Variants in SUGCT observed in about 807,000 individuals in gnomAD.
SUGCT encodes succinyl-CoA:glutarate-CoA transferase, also known as succinyl-CoA:glutarate CoA-transferase.
A neutral mutation model predicts 55.0 loss-of-function variants in SUGCT; 41 were observed. The ratio of observed to expected loss-of-function variants is 0.74; its 90% CI spans 0.58 to 0.97. The LOEUF is 0.97. Among genes scored for constraint, SUGCT ranks in the 50% least tolerant of loss-of-function variants. The pLI is 0.00. For synonymous variants in SUGCT, 187 were observed against 200.4 expected, an observed-to-expected ratio of 0.93 and a Z score of 0.56; for missense variants, 568 against 547.8, an observed-to-expected ratio of 1.04 and a Z score of -0.37.
chr7:40,687,783 A>G (rs1784531386), intron 12 of SUGCT, among the ~76,000 whole-genome samples: 1 of 152,170 alleles, frequency 6.6e-6, no homozygotes, highest in Admixed American at 6.5e-5. Context: ...ACACCCATAC[A>G]TACTTCAGAA....
chr7:40,232,444 C>T (rs1788775476), intron 6 of SUGCT, among the ~76,000 whole-genome samples: 1 of 152,124 alleles, frequency 6.6e-6, no homozygotes, highest in Admixed American at 6.5e-5. Context: ...CAATTACTTT[C>T]TTCTGAGGAG....
Position 40,455,535 on chromosome 7 carries a change from A to C in SUGCT, c.889-3566A>C, listed in dbSNP as rs1403832470. Among the ~76,000 whole-genome samples, 3 of 152,212 alleles carry C rather than the reference A, an allele frequency of 2.0e-5. No individual in the cohort carries two copies. The South Asian group carries it at 6.2e-4, about 32-fold the overall frequency. ...ACAAAAGAGGCAAACACTAATGAAA[A>C]GAAAACTGGAGTGGGGCTATATTAA... On this transcript the variant is annotated intron_variant, in intron 10 of 13. Coordinates refer to ENST00000335693, the MANE Select transcript of SUGCT (RefSeq NM_001193313.2).
the SUGCT span, among the ~76,000 whole-genome samples, chr7:40,941,514 T>C: frequency 2.6e-5 from 4 of 152,156 alleles, no homozygotes. Context: ...AAATGTTTAA[T>C]GTTCTGATTA....
intron 7 of SUGCT, among the ~76,000 whole-genome samples, chr7:40,258,752 G>T (rs1019496009): frequency 6.6e-6 from 1 of 152,116 alleles, no homozygotes; most frequent in Non-Finnish European, 1.5e-5. Context: ...AATTAATGTG[G>T]CCATTATGGA....
rs375512020 is a variant in SUGCT at position 40,732,935 on chromosome 7, C to CAAAATTAGCCAGGG, written c.1090-16498_1090-16497insAAATTAGCCAGGGA. On this transcript the variant is annotated intron_variant, in intron 12 of 13. Coordinates refer to ENST00000335693, the MANE Select transcript of SUGCT (RefSeq NM_001193313.2). ...TGCAACCCCAACTCTACTAAAAATACATAGTGGCGCATGTCTGTAATCCCA... is the reference window on the plus strand; with the variant it reads ...TGCAACCCCAACTCTACTAAAAATACAAAATTAGCCAGGGATAGTGGCGCATGTCTGTAATCCCA... Among the ~76,000 whole-genome samples, 1,409 of 152,204 alleles carry CAAAATTAGCCAGGG rather than the reference C, an allele frequency of 9.3e-3. 15 individuals carry two copies. Among genetic ancestry groups the CAAAATTAGCCAGGG allele is most frequent in the African/African-American group, 0.032 (1,325 of 41,544 alleles).
the SUGCT span, among the ~76,000 whole-genome samples, chr7:41,035,056 T>A: frequency 5.9e-5 from 9 of 152,312 alleles, no homozygotes; most frequent in South Asian, 1.9e-3. Context: ...CCCAGCGGTG[T>A]TCTTCTTTGC....
intron 1 of SUGCT, among the ~76,000 whole-genome samples, chr7:40,151,124 C>G (rs1169908913): frequency 6.6e-6 from 1 of 152,060 alleles, no homozygotes; most frequent in East Asian, 1.9e-4. Context: ...CCTGTAGTAC[C>G]AGCTAATTGG....
chr7:40,399,359 G>A (rs910000381), intron 9 of SUGCT, among the ~76,000 whole-genome samples: 4 of 152,158 alleles, frequency 2.6e-5, no homozygotes, highest in Non-Finnish European at 5.9e-5. Flanking sequence ...AAGACTCTTA[G>A]GTGATAAGTG....
intron 9 of SUGCT, among the ~76,000 whole-genome samples, chr7:40,417,318 T>G (rs528036348): frequency 2.2e-3 from 334 of 152,112 alleles, no homozygotes; most frequent in African/African-American, 6.8e-3. Context: ...AGTTTTTCTT[T>G]TTTAGTAATG....
intron 12 of SUGCT, among the ~76,000 whole-genome samples, chr7:40,513,740 C>T (rs1195068871): frequency 6.6e-6 from 1 of 151,408 alleles, no homozygotes; most frequent in Non-Finnish European, 1.5e-5. Flanking sequence ...GGGGATTCTC[C>T]TAGAGATAAT....
intron 12 of SUGCT, among the ~76,000 whole-genome samples, chr7:40,569,272 C>A (rs1796311194): frequency 6.6e-6 from 1 of 152,182 alleles, no homozygotes; most frequent in African/African-American, 2.4e-5. Context: ...TCCTTTCCAT[C>A]CAGTGGTTAC....
chr7:40,801,859 C>T (rs1790833561), intron 13 of SUGCT, among the ~76,000 whole-genome samples: 1 of 151,256 alleles, frequency 6.6e-6, no homozygotes, highest in Non-Finnish European at 1.5e-5. Flanking sequence ...CTAAAAATGC[C>T]CTCATAAGTG....
At chr7:40,927,764 A>G in the SUGCT span, among the ~76,000 whole-genome samples, 1 of 152,220 alleles carries the variant, frequency 6.6e-6, no homozygotes, top group Non-Finnish European at 1.5e-5. Context: ...AAAATGGGAT[A>G]TAGAAATGTC....
chr7:40,138,686 G>C (rs868277547), intron 1 of SUGCT, among the ~76,000 whole-genome samples: 1 of 151,906 alleles, frequency 6.6e-6, no homozygotes, highest in Non-Finnish European at 1.5e-5. Flanking sequence ...CTTTTTAATA[G>C]CCATTCTGTT....
the SUGCT span, among the ~76,000 whole-genome samples, chr7:41,004,879 G>C: frequency 6.6e-6 from 1 of 152,148 alleles, no homozygotes; most frequent in Non-Finnish European, 1.5e-5. Flanking sequence ...TGGGAAGAAA[G>C]CTCCCAAGAT....
chr7:40,630,123 C>T (rs1027348836), intron 12 of SUGCT, among the ~76,000 whole-genome samples: 1 of 152,226 alleles, frequency 6.6e-6, no homozygotes, highest in Non-Finnish European at 1.5e-5. Flanking sequence ...CTACGCTTTG[C>T]GCCTCCCATC....
At chr7:40,615,109 A>G (rs928766109) in intron 12 of SUGCT, among the ~76,000 whole-genome samples, 1 of 151,994 alleles carries the variant, frequency 6.6e-6, no homozygotes, top group African/African-American at 2.4e-5. Context: ...TTTAAAAAGA[A>G]TTTATTTACA....
At chr7:40,703,003 C>T (rs1199621586) in intron 12 of SUGCT, among the ~76,000 whole-genome samples, 1 of 151,378 alleles carries the variant, frequency 6.6e-6, no homozygotes, top group Non-Finnish European at 1.5e-5. Context: ...ATGCTATCTA[C>T]ATGGACTGTT....
chr7:40,574,011 CAT>C (rs1468251064), intron 12 of SUGCT, among the ~76,000 whole-genome samples: 1 of 152,148 alleles, frequency 6.6e-6, no homozygotes, highest in Non-Finnish European at 1.5e-5. Flanking sequence ...ATTCTGAAGT[CAT>C]ATGTTATATG....
Sources: gnomAD v4.1 joint callset for allele counts (sites outside exome capture counted in the v4.1 genomes callset) on GRCh38, gnomAD v4.1.1 for gene constraint, MANE v1.5 for transcripts, NCBI Gene and HGNC (gene_info 2026-07-23, HGNC 2026-07-21) for gene names.